MSH6: variants seen among roughly 807,000 people sequenced by gnomAD.
The protein encoded by MSH6 is DNA mismatch repair protein Msh6.
A neutral mutation model predicts 119.1 loss-of-function variants in MSH6; 85 were observed. The ratio of observed to expected loss-of-function variants is 0.71; its 90% CI spans 0.60 to 0.85. The LOEUF is 0.85. MSH6 is among the 40% of genes least tolerant of loss of function. The pLI is 0.00. For missense variants in MSH6, 2,163 were observed against 1,655.3 expected, an observed-to-expected ratio of 1.31 and a Z score of -5.32; for synonymous variants, 830 against 586.9, an observed-to-expected ratio of 1.41 and a Z score of -5.99.
downstream of MSH6, chr2:47,808,290 A>G (rs1333025835): frequency 2.4e-5 from 39 of 1,612,764 alleles, no homozygotes; most frequent in Non-Finnish European, 3.3e-5. Context: ...GTGAGGGGGA[A>G]AGTAATTGGG....
chr2:47,806,751 C>CTTT lies in MSH6; in HGVS notation c.4002-12_4002-10dup, dbSNP rs59056100. 4,040 of 1,443,312 alleles carry CTTT rather than the reference C, an allele frequency of 2.8e-3. 68 individuals are homozygous for CTTT. The African/African-American group carries it at 0.049, about 18-fold the overall frequency. The allele number at this position is 1,443,312 out of a possible 1,614,324, so 89.4% of individuals were successfully genotyped here. A position where few individuals can be genotyped will look rare whatever the true frequency, so the allele number is the denominator to read the frequency against. On this transcript the variant is annotated intron_variant, in intron 9 of 9. Coordinates refer to ENST00000234420, the MANE Select transcript of MSH6 (RefSeq NM_000179.3). ...GATGCACTATGAAAAAACAAAAAAA[C>CTTT]TTTTTTTTTTTTTTTTTTAATTTTA... is the stretch of plus-strand genomic sequence containing the variant.
At chr2:47,808,382 G>A (rs773633289), downstream of MSH6, 1 of 1,610,880 alleles carries the variant, frequency 6.2e-7, no homozygotes, top group South Asian at 1.1e-5. Context: ...TCTTAATGCA[G>A]TTCACACATA....
At chr2:47,787,164 C>T (rs915679876) in intron 1 of MSH6, among the ~76,000 whole-genome samples, 4 of 152,008 alleles carry the variant, frequency 2.6e-5, no homozygotes, top group African/African-American at 9.7e-5. Flanking sequence ...TGGCGTGTGC[C>T]TGTAGTCCCA....
At position 47,788,901 on chromosome 2, in the gene MSH6, TTC is replaced by T. The variant is rs1491006322; in HGVS notation, c.261-2024_261-2023del. Among the ~76,000 whole-genome samples, 20 of 55,718 alleles carry T rather than the reference TTC, an allele frequency of 3.6e-4. 1 individual carries two copies. The highest frequency in any genetic ancestry group is 1.3e-3 in the African/African-American group (17 of 12,876). 36.6% of individuals were successfully genotyped at this position (55,718 alleles called of 152,430 possible). A position where few individuals can be genotyped will look rare whatever the true frequency, so the allele number is the denominator to read the frequency against. ...ATACTGCTATTTCTTTCTTTCTTTC[TTC>T]TTCCTTTTTTTTTTTTTTGTTTTTT... On this transcript the variant is annotated intron_variant, in intron 1 of 9. Transcript: ENST00000234420.
downstream of MSH6, chr2:47,807,146 G>T: frequency 2.5e-6 from 1 of 393,750 alleles, no homozygotes; most frequent in Admixed American, 4.2e-5. Context: ...ACTGTATAGG[G>T]CTGTATATAT....
intron 1 of MSH6, 67 bp downstream of exon 1, chr2:47,783,560 G>A (rs538841575): frequency 1.4e-6 from 2 of 1,380,918 alleles, no homozygotes; most frequent in Admixed American, 3.2e-5. Context: ...CCGGCGAGGG[G>A]AGGCTCGCAC....
intron 5 of MSH6, 40 bp from the exon 6 acceptor site, chr2:47,804,870 A>G (rs201433872): frequency 6.9e-7 from 1 of 1,444,846 alleles, no homozygotes; most frequent in Non-Finnish European, 9.7e-7. Context: ...TGAAACTGTT[A>G]CTACCAGTCA....
intron 1 of MSH6, chr2:47,789,175 T>C (rs3136267): frequency 0.29 from 62,238 of 216,562 alleles, 9,900 homozygotes; most frequent in Non-Finnish European, 0.36. Context: ...CCACCTGCCT[T>C]GGCCTCCCAA....
At position 47,802,030 on chromosome 2, in the gene MSH6, A is replaced by C. The variant is rs187192537; in HGVS notation, c.3172+875A>C. 2.2e-3 allele frequency among the ~76,000 whole-genome samples: 329 copies of C among 152,316 alleles called. 2 individuals carry two copies. Among genetic ancestry groups the C allele is most frequent in the Admixed American group, 0.019 (297 of 15,300 alleles). Reference sequence around the variant, plus strand: ...TTATCAATAAAAAGTTGAGCTTTTTATTATTTGGTGAATACTGTTTCAAGG... The same window carrying C: ...TTATCAATAAAAAGTTGAGCTTTTTCTTATTTGGTGAATACTGTTTCAAGG... On this transcript the variant is annotated intron_variant, in intron 4 of 9. Coordinates refer to ENST00000234420, the MANE Select transcript of MSH6 (RefSeq NM_000179.3).
At chr2:47,787,782 C>G (rs577971510) in intron 1 of MSH6, among the ~76,000 whole-genome samples, 2 of 152,154 alleles carry the variant, frequency 1.3e-5, no homozygotes, top group Admixed American at 1.3e-4. Context: ...CCATGCCTGG[C>G]TAATTTTTAA....
Position 47,788,906 on chromosome 2 carries a change from C to CTTTTTTTTTTTTTTTTT in MSH6, c.261-2021_261-2020insTTTTTTTTTTTTTTTTT, listed in dbSNP as rs1491155839. Among the ~76,000 whole-genome samples the CTTTTTTTTTTTTTTTTT allele has an allele frequency of 4.8e-3, 76 of 15,810 alleles. 10 individuals carry two copies. Among genetic ancestry groups the CTTTTTTTTTTTTTTTTT allele is most frequent in the South Asian group, 0.014 (7 of 484 alleles). 10.4% of individuals were successfully genotyped at this position (15,810 alleles called of 152,430 possible). The stretch of plus-strand genomic sequence containing the variant: ...GCTATTTCTTTCTTTCTTTCTTCTT[C>CTTTTTTTTTTTTTTTTT]CTTTTTTTTTTTTTTGTTTTTTTTT... On this transcript the variant is annotated intron_variant, in intron 1 of 9. Coordinates refer to ENST00000234420, the MANE Select transcript of MSH6 (RefSeq NM_000179.3).
At chr2:47,809,893 T>TG, downstream of MSH6, 1 of 541,804 alleles carries the variant, frequency 1.8e-6, no homozygotes, top group South Asian at 2.6e-5. Context: ...ATGACTATGG[T>TG]CAAAACTGCA....
rs1669463455 is a variant in MSH6, at chr2:47,800,414, C to G, written c.2431C>G (p.Leu811Val). 6.2e-7 allele frequency: 1 copy of G among 1,614,058 alleles called. No individual in the cohort carries two copies. Among genetic ancestry groups the G allele is most frequent in the Non-Finnish European group, 8.5e-7 (1 of 1,180,024 alleles). ...VPDKISEVVELLKKLPDLERL... is the reference protein window; with the variant it reads ...VPDKISEVVEVLKKLPDLERL... ...TGACAAAATCTCCGAAGTTGTAGAG[C>G]TTCTAAAGAAGCTTCCAGATCTTGA... Residue 811 changes from leucine (L) to valine (V), a missense_variant, in exon 4 of 10, where the codon CTT becomes GTT. Leu to Val is a conservative substitution (Grantham distance 32). Transcript: ENST00000234420.
At position 47,806,197 on chromosome 2, in the gene MSH6, T is replaced by G. The variant is rs780269667; in HGVS notation, c.3647-7T>G. ...GTTACTTCCTTATGCATATTTTACT[T>G]TAACAGGAAGAGGTACTGCAACATT... On this transcript the variant is annotated splice_polypyrimidine_tract_variant and splice_region_variant and intron_variant, in intron 7 of 9. Coordinates refer to ENST00000234420, the MANE Select transcript of MSH6 (RefSeq NM_000179.3). 13 of 1,613,650 alleles carry G rather than the reference T, an allele frequency of 8.1e-6. No homozygotes were observed. In the East Asian group the frequency reaches 2.7e-4, roughly 33 times the overall value.
intron 2 of MSH6, among the ~76,000 whole-genome samples, chr2:47,794,107 A>G (rs2908440): frequency 1 from 151,046 of 151,050 alleles, 75,521 homozygotes; most frequent in African/African-American, 1. Context: ...TTGGGAGACT[A>G]AGGTAGGTGG....
At chr2:47,786,719 CTTTT>C (rs149544395) in intron 1 of MSH6, among the ~76,000 whole-genome samples, 1 of 149,988 alleles carries the variant, frequency 6.7e-6, no homozygotes, top group Non-Finnish European at 1.5e-5. Context: ...TTTGCTGTTT[CTTTT>C]TTTTTTCCTA....
Position 47,806,869 on chromosome 2 carries a change from CATTGGAAGCTTTG to C in MSH6, c.*11_*23del. On this transcript the variant is annotated 3_prime_UTR_variant, in exon 10 of 10. Coordinates refer to ENST00000234420, the MANE Select transcript of MSH6 (RefSeq NM_000179.3). ...TGATTAAGGAATTATAGACTGACTA[CATTGGAAGCTTTG>C]AGTTGACTTCTGACAAAGGTGGTAA... is the stretch of plus-strand genomic sequence containing the variant. 6.3e-7 allele frequency: 1 copy of C among 1,597,688 alleles called. No individual in the cohort carries two copies. The highest frequency in any genetic ancestry group is 8.6e-7 in the Non-Finnish European group (1 of 1,166,324).
intron 5 of MSH6, 136 bp downstream of exon 5, chr2:47,803,821 C>T (rs1040019240): frequency 3.3e-6 from 3 of 902,490 alleles, no homozygotes; most frequent in Non-Finnish European, 5.2e-6. Context: ...GAAATTACTC[C>T]CTGTGTTATA....
At position 47,783,146 on chromosome 2, in the gene MSH6, G is replaced by A. The variant is rs1377240058; in HGVS notation, c.-88G>A. The A allele has an allele frequency of 6.8e-5, 107 of 1,571,922 alleles. No individual in the cohort carries two copies. Among genetic ancestry groups the A allele is most frequent in the Non-Finnish European group, 1.4e-5 (16 of 1,156,906 alleles). ...CTCCGGCGGAGCGCGCCTCCCCCCAGATTTCCCGCCAGCAGGAGCCGCGCG... is the reference window on the plus strand; with the variant it reads ...CTCCGGCGGAGCGCGCCTCCCCCCAAATTTCCCGCCAGCAGGAGCCGCGCG... On this transcript the variant is annotated 5_prime_UTR_variant, in exon 1 of 10. Coordinates refer to ENST00000234420, the MANE Select transcript of MSH6 (RefSeq NM_000179.3).
Sources: allele counts gnomAD v4.1 joint callset (sites outside exome capture counted in the v4.1 genomes callset), GRCh38; gene constraint gnomAD v4.1.1; transcripts MANE v1.5; gene names NCBI Gene and HGNC (gene_info 2026-07-23, HGNC 2026-07-21).